Variants in RNF144A observed in about 807,000 individuals in gnomAD.
RNF144A encodes E3 ubiquitin-protein ligase RNF144A.
In RNF144A, 11 loss-of-function variants were observed where a neutral mutation model predicts 38.7. The ratio of observed to expected loss-of-function variants is 0.28; its 90% CI spans 0.18 to 0.47. The LOEUF is 0.47. RNF144A is among the 20% of genes least tolerant of loss of function. RNF144A has a pLI of 0.99. For missense variants in RNF144A, 316 were observed against 377.2 expected (o/e 0.84, Z 1.34); for synonymous variants, 149 against 143.9 (o/e 1.04, Z -0.25).
intron 1 of RNF144A, among the ~76,000 whole-genome samples, chr2:6,934,287 T>G (rs1380782093): frequency 1.3e-5 from 2 of 152,218 alleles, no homozygotes; most frequent in Non-Finnish European, 2.9e-5. Flanking sequence ...CAAATGTTTA[T>G]CAGCCACTAG....
At chr2:7,008,486 C>T (rs2103409914) in intron 3 of RNF144A, among the ~76,000 whole-genome samples, 1 of 152,334 alleles carries the variant, frequency 6.6e-6, no homozygotes, top group African/African-American at 2.4e-5. Flanking sequence ...TATAAAGCAG[C>T]CGTGGATGAC....
chr2:6,976,717 T>A (rs1471287910), intron 2 of RNF144A, among the ~76,000 whole-genome samples: 1 of 151,296 alleles, frequency 6.6e-6, no homozygotes, highest in Non-Finnish European at 1.5e-5. Context: ...CAGTTACTCC[T>A]CACTCTCATA....
chr2:7,009,687 C>A (rs954351857), intron 3 of RNF144A, among the ~76,000 whole-genome samples: 1 of 152,208 alleles, frequency 6.6e-6, no homozygotes, highest in Admixed American at 6.5e-5. Flanking sequence ...CCAGGGCCAT[C>A]CAGTGAGAGT....
At chr2:7,017,129 GC>G (rs1421842999) in intron 5 of RNF144A, among the ~76,000 whole-genome samples, 1 of 152,064 alleles carries the variant, frequency 6.6e-6, no homozygotes, top group Non-Finnish European at 1.5e-5. Flanking sequence ...TACACTCGAC[GC>G]CCGTGGCCCT....
At chr2:7,008,092 T>C (rs1423456295) in intron 3 of RNF144A, among the ~76,000 whole-genome samples, 1 of 152,178 alleles carries the variant, frequency 6.6e-6, no homozygotes, top group Non-Finnish European at 1.5e-5. Flanking sequence ...CCCAGTGGCG[T>C]CCCTAGAGAG....
downstream of RNF144A, among the ~76,000 whole-genome samples, chr2:7,072,888 T>C (rs115302931): frequency 4.1e-3 from 621 of 152,304 alleles, 5 homozygotes; most frequent in African/African-American, 0.014. Context: ...TTACCTCAAA[T>C]GGGCTGAGCT....
At chr2:7,039,578 A>G (rs764715280) in intron 8 of RNF144A, 51 bp from the exon 9 acceptor site, 9 of 1,602,532 alleles carry the variant, frequency 5.6e-6, no homozygotes, top group Non-Finnish European at 4.3e-6. Flanking sequence ...TTAGCTCTGG[A>G]ACCTACAGAC....
At chr2:7,029,432 G>A (rs1290100449) in intron 7 of RNF144A, among the ~76,000 whole-genome samples, 1 of 152,188 alleles carries the variant, frequency 6.6e-6, no homozygotes, top group African/African-American at 2.4e-5. Context: ...AATGGAGGTG[G>A]GGTGGAGAAC....
intron 6 of RNF144A, among the ~76,000 whole-genome samples, chr2:7,052,464 G>C (rs967029129): frequency 2.0e-5 from 3 of 152,230 alleles, no homozygotes; most frequent in Non-Finnish European, 4.4e-5. Flanking sequence ...GAGCTGTCCT[G>C]TGGCCTCCAA....
intron 2 of RNF144A, among the ~76,000 whole-genome samples, chr2:6,947,791 C>CGT (rs1558374515): frequency 6.6e-6 from 1 of 152,180 alleles, no homozygotes; most frequent in African/African-American, 2.4e-5. Context: ...AGGTGGAGCT[C>CGT]GAGAATCGGT....
chr2:6,990,542 T>G (rs1669287046), intron 2 of RNF144A, among the ~76,000 whole-genome samples: 1 of 136,922 alleles, frequency 7.3e-6, no homozygotes. Flanking sequence ...GCTATGTATA[T>G]ATATAGAGAG....
At chr2:7,049,100 G>C (rs1673419044), downstream of RNF144A, among the ~76,000 whole-genome samples, 1 of 152,234 alleles carries the variant, frequency 6.6e-6, no homozygotes. Flanking sequence ...TGGAGGGAAG[G>C]CAGGGCCTGG....
chr2:7,069,780 G>A (rs1674391085), downstream of RNF144A, among the ~76,000 whole-genome samples: 1 of 152,152 alleles, frequency 6.6e-6, no homozygotes, highest in East Asian at 1.9e-4. Context: ...TGTGTAAAAA[G>A]CCCTCAATAA....
intron 2 of RNF144A, among the ~76,000 whole-genome samples, chr2:6,991,603 T>C (rs1445190300): frequency 6.6e-6 from 1 of 152,204 alleles, no homozygotes; most frequent in African/African-American, 2.4e-5. Flanking sequence ...TGTATGTTTG[T>C]GCAGGTTACC....
intron 5 of RNF144A, among the ~76,000 whole-genome samples, chr2:7,018,245 T>C (rs1339607343): frequency 2.0e-5 from 3 of 152,204 alleles, no homozygotes; most frequent in Non-Finnish European, 4.4e-5. Context: ...CTCAGAGCTA[T>C]ATCGGGAGGA....
At chr2:6,996,598 C>A (rs948823591) in intron 2 of RNF144A, among the ~76,000 whole-genome samples, 1 of 152,018 alleles carries the variant, frequency 6.6e-6, no homozygotes, top group Non-Finnish European at 1.5e-5. Context: ...ACTAAAAATA[C>A]AAAAAATTAG....
intron 7 of RNF144A, among the ~76,000 whole-genome samples, chr2:7,027,611 A>G (rs1671994486): frequency 6.6e-6 from 1 of 152,246 alleles, no homozygotes; most frequent in Non-Finnish European, 1.5e-5. Flanking sequence ...TGAAGGTGCT[A>G]GAATTGCCCT....
intron 3 of RNF144A, among the ~76,000 whole-genome samples, chr2:7,001,567 C>G (rs1670105942): frequency 6.6e-6 from 1 of 152,038 alleles, no homozygotes; most frequent in Non-Finnish European, 1.5e-5. Flanking sequence ...GCCCCAGCTA[C>G]TCAGGAAGCT....
chr2:7,018,912 A>G (rs1451007428), intron 5 of RNF144A, among the ~76,000 whole-genome samples: 3 of 151,328 alleles, frequency 2.0e-5, no homozygotes, highest in Non-Finnish European at 4.4e-5. Context: ...GGCAGAGGGC[A>G]GCCAGATGAG....
Sources: gnomAD v4.1 joint callset for allele counts (sites outside exome capture counted in the v4.1 genomes callset) on GRCh38, gnomAD v4.1.1 for gene constraint, MANE v1.5 for transcripts, NCBI Gene and HGNC (gene_info 2026-07-23, HGNC 2026-07-21) for gene names.